KCTD1: variants seen among roughly 807,000 people sequenced by gnomAD.
KCTD1 encodes the protein potassium channel tetramerization domain containing 1.
A neutral mutation model predicts 66.0 loss-of-function variants in KCTD1; 24 were observed. That is an observed-to-expected ratio of 0.36 (90% CI 0.26 to 0.51). The LOEUF (loss-of-function observed/expected upper bound fraction) is 0.51. KCTD1 is among the 20% of genes least tolerant of loss of function. KCTD1 has a pLI of 0.95. For missense variants in KCTD1, 943 were observed against 1,205.2 expected (o/e 0.78, Z 3.22); for synonymous variants, 511 against 517.2 (o/e 0.99, Z 0.16).
At chr18:26,532,928 G>A (rs1015340639) in intron 1 of KCTD1, among the ~76,000 whole-genome samples, 10 of 152,098 alleles carry the variant, frequency 6.6e-5, no homozygotes, top group African/African-American at 1.2e-4. Context: ...TCTTTATTGC[G>A]TCCTCAGTGA....
chr18:26,604,999 C>A (rs1466475102), intron 1 of KCTD1, among the ~76,000 whole-genome samples: 2 of 152,138 alleles, frequency 1.3e-5, no homozygotes, highest in African/African-American at 4.8e-5. Flanking sequence ...GCTCACTACC[C>A]TGCCATCCTC....
intron 1 of KCTD1, among the ~76,000 whole-genome samples, chr18:26,572,445 AC>A (rs1437531072): frequency 6.6e-6 from 1 of 152,232 alleles, no homozygotes; most frequent in Non-Finnish European, 1.5e-5. Flanking sequence ...GTGAAAAGTC[AC>A]AGGCATGGTA....
upstream of KCTD1, among the ~76,000 whole-genome samples, chr18:26,550,469 G>A (rs1985511655): frequency 6.6e-6 from 1 of 151,944 alleles, no homozygotes; most frequent in Admixed American, 6.5e-5. The surrounding 1 kb of genome is among the most constrained non-coding windows in gnomAD (Gnocchi z 5.4). Flanking sequence ...GACGCCACCC[G>A]AGCTTCGGGG....
chr18:26,590,767 A>T (rs1276684818), intron 1 of KCTD1, among the ~76,000 whole-genome samples: 2 of 152,146 alleles, frequency 1.3e-5, no homozygotes, highest in African/African-American at 4.8e-5. Context: ...TAACTCCAGA[A>T]ATCTGGATGT....
chr18:26,533,827 T>TAAAAAAAAAAA (rs143763803), intron 1 of KCTD1, among the ~76,000 whole-genome samples: 1 of 130,452 alleles, frequency 7.7e-6, no homozygotes, highest in African/African-American at 2.9e-5. Flanking sequence ...AGCTATTATT[T>TAAAAAAAAAAA]AAAAAAAAAA....
At chr18:26,462,033 CAGGA>C (rs199876213) in intron 3 of KCTD1, among the ~76,000 whole-genome samples, 3,139 of 152,302 alleles carry the variant, frequency 0.021, 46 homozygotes, top group Middle Eastern at 0.075. Flanking sequence ...ATGAAGCTAA[CAGGA>C]AGGACTTGGG....
chr18:26,633,945 A>G (rs180869774), upstream of KCTD1, among the ~76,000 whole-genome samples: 389 of 152,348 alleles, frequency 2.6e-3, no homozygotes, highest in African/African-American at 8.9e-3. Context: ...CAGAAGAATA[A>G]GCAAACTGTG....
At chr18:26,594,821 C>T (rs1034156949) in intron 1 of KCTD1, among the ~76,000 whole-genome samples, 1 of 152,222 alleles carries the variant, frequency 6.6e-6, no homozygotes, top group Non-Finnish European at 1.5e-5. Context: ...GATTGAGGCC[C>T]CCAGGAAGCA....
chr18:26,644,782 G>C (rs1440156354), upstream of KCTD1, among the ~76,000 whole-genome samples: 1 of 151,758 alleles, frequency 6.6e-6, no homozygotes, highest in Non-Finnish European at 1.5e-5. Flanking sequence ...GAGAGAGAGA[G>C]AGAGAAAGAG....
intron 1 of KCTD1, among the ~76,000 whole-genome samples, chr18:26,650,309 A>C (rs1198951006): frequency 6.6e-6 from 1 of 152,234 alleles, no homozygotes; most frequent in Admixed American, 6.5e-5. Context: ...GCGTCCCCTG[A>C]AATTATGTGT....
chr18:26,544,453 A>G (rs1271578659), intron 1 of KCTD1: 3 of 152,256 alleles, frequency 2.0e-5, no homozygotes, highest in African/African-American at 7.2e-5. Flanking sequence ...CCTGTCTGTT[A>G]TCGAGATGTC....
At chr18:26,632,933 AG>A (rs1168702615), upstream of KCTD1, among the ~76,000 whole-genome samples, 2 of 152,084 alleles carry the variant, frequency 1.3e-5, no homozygotes, top group African/African-American at 2.4e-5. Flanking sequence ...CAGTCTTGGG[AG>A]GGGGTAAGGA....
chr18:26,455,964 C>G (rs1299775202), intron 4 of KCTD1, 63 bp from the exon 5 acceptor site: 1 of 1,526,072 alleles, frequency 6.6e-7, no homozygotes, highest in Non-Finnish European at 8.9e-7. Context: ...TACATAAACA[C>G]CCCAAAGTTT....
intron 1 of KCTD1, chr18:26,655,942 T>C (rs1203134884): frequency 6.6e-6 from 1 of 151,866 alleles, no homozygotes; most frequent in Non-Finnish European, 1.5e-5. Flanking sequence ...CCCGTTCTTT[T>C]TCCAGGAGGC....
At chr18:26,628,865 G>T (rs935707364) in intron 1 of KCTD1, among the ~76,000 whole-genome samples, 2 of 152,164 alleles carry the variant, frequency 1.3e-5, no homozygotes, top group Non-Finnish European at 2.9e-5. Flanking sequence ...GTTTAAATCT[G>T]GGACAGAATG....
At position 26,459,940 on chromosome 18, in the gene KCTD1, G is replaced by C; in HGVS notation, c.2134-15C>G. The C allele has an allele frequency of 6.5e-7, 1 of 1,531,336 alleles. No individual in the cohort carries two copies. The allele number at this position is 1,531,336 out of a possible 1,614,324, so 94.9% of individuals were successfully genotyped here. On this transcript the variant is annotated splice_polypyrimidine_tract_variant and intron_variant, in intron 3 of 4. Transcript: ENST00000580059. ...AAAGTGTAGTCCTGGAAAAAAAAAAGGTATTTCACAGTGCAAACTGCAAAC... is the reference window on the plus strand; with the variant it reads ...AAAGTGTAGTCCTGGAAAAAAAAAACGTATTTCACAGTGCAAACTGCAAAC...
At chr18:26,479,972 G>C (rs1417914146) in intron 2 of KCTD1, among the ~76,000 whole-genome samples, 1 of 151,572 alleles carries the variant, frequency 6.6e-6, no homozygotes, top group Non-Finnish European at 1.5e-5. Context: ...ACTAACCTTG[G>C]AGAACATTCC....
In KCTD1 at chr18:26,580,514, G is replaced by A. The variant is rs535162122; in HGVS notation, c.-16+48633C>T. Among the ~76,000 whole-genome samples the A allele has an allele frequency of 6.1e-3, 925 of 152,246 alleles. 9 individuals carry two copies. Among genetic ancestry groups the A allele is most frequent in the Middle Eastern group, 0.031 (9 of 292 alleles). ...TGAGAGCACACTCTCAGCCTGCGTT[G>A]GTGTGGAGCCCAAGGATGTGATTTA... On this transcript the variant is annotated intron_variant, in intron 1 of 4. Transcript: ENST00000317932.
At chr18:26,536,663 A>C (rs1284306388) in intron 1 of KCTD1, among the ~76,000 whole-genome samples, 1 of 152,144 alleles carries the variant, frequency 6.6e-6, no homozygotes, top group African/African-American at 2.4e-5. Flanking sequence ...TAGGTATTCC[A>C]CTGTAGTTTC....
Sources: allele counts gnomAD v4.1 joint callset (sites outside exome capture counted in the v4.1 genomes callset), GRCh38; gene constraint gnomAD v4.1.1; non-coding constraint Gnocchi (gnomAD v3.1); transcripts MANE v1.5; gene names NCBI Gene and HGNC (gene_info 2026-07-23, HGNC 2026-07-21).